ANO4: variants seen among roughly 807,000 people sequenced by gnomAD.
ANO4 encodes the protein anoctamin 4.
In ANO4, 69 loss-of-function variants were observed where a neutral mutation model predicts 141.9. That is an observed-to-expected ratio of 0.49 (90% CI 0.40 to 0.59). ANO4 has a LOEUF of 0.59. Ranked by LOEUF, ANO4 falls within the 20% of genes least tolerant of loss-of-function variation. ANO4 has a pLI of 0.00. For synonymous variants in ANO4, 350 were observed against 394.3 expected, an observed-to-expected ratio of 0.89 and a Z score of 1.33; for missense variants, 894 against 1,162.2, an observed-to-expected ratio of 0.77 and a Z score of 3.36.
At chr12:100,975,515 G>A (rs1488960101) in intron 7 of ANO4, among the ~76,000 whole-genome samples, 1 of 148,634 alleles carries the variant, frequency 6.7e-6, no homozygotes, top group Non-Finnish European at 1.5e-5. Context: ...TCCGCCTCCT[G>A]GGTTCAAGCG....
chr12:100,908,436 C>T (rs950025947), intron 2 of ANO4, among the ~76,000 whole-genome samples: 4 of 152,034 alleles, frequency 2.6e-5, no homozygotes, highest in African/African-American at 4.8e-5. Context: ...CTACATATGT[C>T]GAGTATTGGT....
intron 1 of ANO4, among the ~76,000 whole-genome samples, chr12:100,796,648 C>G (rs2034342978): frequency 6.6e-6 from 1 of 151,190 alleles, no homozygotes; most frequent in African/African-American, 2.4e-5. Context: ...AAATTCAAAA[C>G]AATTTTTAAA....
chr12:100,938,252 A>G (rs1453184421), intron 3 of ANO4, among the ~76,000 whole-genome samples: 17 of 152,228 alleles, frequency 1.1e-4, no homozygotes, highest in Non-Finnish European at 2.2e-4. Context: ...TAGAGAATTC[A>G]CCACAAGTTA....
chr12:100,891,555 A>G (rs969756359), intron 1 of ANO4, among the ~76,000 whole-genome samples: 1 of 152,146 alleles, frequency 6.6e-6, no homozygotes, highest in Non-Finnish European at 1.5e-5. Context: ...TTAATTTGCA[A>G]TTAATTACCC....
At chr12:101,092,893 G>T (rs1431932630) in intron 17 of ANO4, among the ~76,000 whole-genome samples, 1 of 151,992 alleles carries the variant, frequency 6.6e-6, no homozygotes, top group Non-Finnish European at 1.5e-5. Context: ...TTTGAGAAAG[G>T]TTGTCTCATC....
At chr12:100,854,342 G>A (rs1157322627) in intron 1 of ANO4, among the ~76,000 whole-genome samples, 1 of 152,096 alleles carries the variant, frequency 6.6e-6, no homozygotes, top group Non-Finnish European at 1.5e-5. Flanking sequence ...TTCTTTGGAA[G>A]AGTGCAGTTT....
At chr12:100,782,250 C>A (rs147158235) in intron 3 of ANO4, among the ~76,000 whole-genome samples, 1 of 152,304 alleles carries the variant, frequency 6.6e-6, no homozygotes, top group African/African-American at 2.4e-5. Flanking sequence ...GTTTCTCCCT[C>A]TTACAATCAT....
chr12:100,829,728 C>A (rs61944828), intron 1 of ANO4, among the ~76,000 whole-genome samples: 1,615 of 152,132 alleles, frequency 0.011, 15 homozygotes, highest in Middle Eastern at 0.051. Flanking sequence ...ATTGTAATAG[C>A]ATGGGCAAAA....
chr12:101,054,788 AAG>A (rs759445045), intron 14 of ANO4, among the ~76,000 whole-genome samples: 8 of 151,796 alleles, frequency 5.3e-5, no homozygotes, highest in Non-Finnish European at 7.4e-5. Flanking sequence ...TGCCCGGCCT[AAG>A]AGAACATTTT....
intron 3 of ANO4, among the ~76,000 whole-genome samples, chr12:100,932,253 T>A (rs1268849167): frequency 6.6e-6 from 1 of 152,166 alleles, no homozygotes; most frequent in Non-Finnish European, 1.5e-5. Flanking sequence ...GTTATTTTGC[T>A]GCATTTGGAA....
At chr12:100,753,816 A>T (rs2032490818) in intron 3 of ANO4, among the ~76,000 whole-genome samples, 1 of 152,150 alleles carries the variant, frequency 6.6e-6, no homozygotes, top group African/African-American at 2.4e-5. Flanking sequence ...TTTTGTTCCG[A>T]CTTTTCCCCT....
intron 9 of ANO4, among the ~76,000 whole-genome samples, chr12:101,027,851 C>A (rs1178686965): frequency 6.6e-6 from 1 of 152,060 alleles, no homozygotes; most frequent in Non-Finnish European, 1.5e-5. Context: ...GGTCCCATTT[C>A]CCTTGTCACC....
At chr12:101,042,153 T>C (rs2047433499) in intron 11 of ANO4, among the ~76,000 whole-genome samples, 181 bp from the exon 12 acceptor site, 1 of 152,078 alleles carries the variant, frequency 6.6e-6, no homozygotes, top group Admixed American at 6.5e-5. Context: ...TGCTATAGAG[T>C]AGTAGTAGAA....
intron 2 of ANO4, among the ~76,000 whole-genome samples, chr12:100,918,198 G>A (rs75295146): frequency 0.081 from 12,383 of 152,144 alleles, 673 homozygotes; most frequent in African/African-American, 0.13. Context: ...ATGGTGGTGC[G>A]CACCTGTAGC....
At chr12:101,085,259 T>G (rs1264742752) in intron 16 of ANO4, among the ~76,000 whole-genome samples, 1 of 152,146 alleles carries the variant, frequency 6.6e-6, no homozygotes, top group Non-Finnish European at 1.5e-5. Context: ...TAATATTAGG[T>G]AATCATCTAA....
intron 14 of ANO4, among the ~76,000 whole-genome samples, chr12:101,060,976 A>G (rs1373816525): frequency 6.6e-6 from 1 of 152,106 alleles, no homozygotes; most frequent in Non-Finnish European, 1.5e-5. Flanking sequence ...TCATAGCGTC[A>G]ATAGTCTTGA....
chr12:101,057,580 A>C (rs1268654850), intron 14 of ANO4, among the ~76,000 whole-genome samples: 1 of 151,920 alleles, frequency 6.6e-6, no homozygotes, highest in Non-Finnish European at 1.5e-5. Flanking sequence ...ATGGTATCTC[A>C]TTGTGGTTTT....
intron 22 of ANO4, among the ~76,000 whole-genome samples, chr12:101,101,219 C>T (rs370231437): frequency 7.2e-5 from 11 of 152,286 alleles, no homozygotes; most frequent in African/African-American, 2.4e-4. Flanking sequence ...TAACCACTTT[C>T]CTGACTTCTA....
At chr12:100,949,957 T>C (rs2042902440) in intron 5 of ANO4, among the ~76,000 whole-genome samples, 1 of 152,294 alleles carries the variant, frequency 6.6e-6, no homozygotes, top group South Asian at 2.1e-4. Context: ...ATTTCCCCAC[T>C]TAAAGAGCTA....
Sources: gnomAD v4.1 joint callset for allele counts (sites outside exome capture counted in the v4.1 genomes callset) on GRCh38, gnomAD v4.1.1 for gene constraint, MANE v1.5 for transcripts, NCBI Gene and HGNC (gene_info 2026-07-23, HGNC 2026-07-21) for gene names.